PKN2: variants seen among roughly 807,000 people sequenced by gnomAD.
PKN2 encodes serine/threonine-protein kinase N2.
A neutral mutation model predicts 119.1 loss-of-function variants in PKN2; 38 were observed. The observed-to-expected ratio is 0.32, with a 90% confidence interval of 0.25 to 0.42. The LOEUF is 0.42. PKN2 is among the 10% of genes least tolerant of loss of function. The pLI is 1.00. For synonymous variants in PKN2, 390 were observed against 384.9 expected (o/e 1.01, Z -0.15); for missense variants, 850 against 1,165.1 (o/e 0.73, Z 3.94).
At chr1:88,764,529 T>A (rs908703776) in intron 3 of PKN2, among the ~76,000 whole-genome samples, 4 of 152,204 alleles carry the variant, frequency 2.6e-5, no homozygotes, top group Non-Finnish European at 4.4e-5. Flanking sequence ...CAATACTCCA[T>A]TGAAATAGTT....
intron 1 of PKN2, among the ~76,000 whole-genome samples, chr1:88,689,871 C>G (rs1398548995): frequency 6.6e-6 from 1 of 152,154 alleles, no homozygotes; most frequent in Non-Finnish European, 1.5e-5. Flanking sequence ...GCAACAATTT[C>G]TTTGAATAAT....
chr1:88,819,470 T>C (rs944224193), intron 16 of PKN2, among the ~76,000 whole-genome samples: 1 of 152,140 alleles, frequency 6.6e-6, no homozygotes, highest in Non-Finnish European at 1.5e-5. Flanking sequence ...TGAGATACCA[T>C]CTCACGCCAG....
intron 1 of PKN2, among the ~76,000 whole-genome samples, chr1:88,717,599 G>A (rs754638674): frequency 6.6e-6 from 1 of 151,632 alleles, no homozygotes; most frequent in Non-Finnish European, 1.5e-5. Context: ...ACTGAAGCTT[G>A]TGCATGCGTC....
rs184330241 is a variant in PKN2, at chr1:88,796,322, C to T, written c.1282-8069C>T. Among the ~76,000 whole-genome samples, 4 of 152,236 alleles carry T rather than the reference C, an allele frequency of 2.6e-5. No individual in the cohort carries two copies. In the East Asian group the frequency reaches 7.7e-4, roughly 29 times the overall value. On this transcript the variant is annotated intron_variant, in intron 8 of 21. Coordinates refer to ENST00000370521, the MANE Select transcript of PKN2 (RefSeq NM_006256.4). ...GCTTTTCAGGTTAGGGATACTCAGC[C>T]TGTACTGCCTGATGTGATCCAATCC... is the stretch of plus-strand genomic sequence containing the variant.
chr1:88,790,180 A>C (rs1017256135), intron 8 of PKN2, among the ~76,000 whole-genome samples: 2 of 152,178 alleles, frequency 1.3e-5, no homozygotes, highest in African/African-American at 2.4e-5. Flanking sequence ...TTGTTTTACT[A>C]TCATCTTGAG....
At chr1:88,776,547 C>G (rs935399582) in intron 6 of PKN2, among the ~76,000 whole-genome samples, 2 of 151,980 alleles carry the variant, frequency 1.3e-5, no homozygotes, top group African/African-American at 4.8e-5. Flanking sequence ...TGAGACCAGC[C>G]TGGCCAGCAT....
chr1:88,833,606 ACTT>A lies in PKN2; in HGVS notation c.*163_*165del, dbSNP rs3831022. ...ATTTGTTTAAAAGTACCATTCTAAT[ACTT>A]CTTCAAAAGTGGCTCCTCATTGTAC... On this transcript the variant is annotated 3_prime_UTR_variant, in exon 22 of 22. Coordinates refer to ENST00000370521, the MANE Select transcript of PKN2 (RefSeq NM_006256.4). 77 of 610,862 alleles carry A rather than the reference ACTT, an allele frequency of 1.3e-4. No homozygotes were observed. The highest frequency in any genetic ancestry group is 1.1e-3 in the East Asian group (38 of 36,036). 37.8% of individuals were successfully genotyped at this position (610,862 alleles called of 1,614,324 possible).
chr1:88,828,887 A>G (rs1672613593), intron 19 of PKN2: 2 of 611,570 alleles, frequency 3.3e-6, no homozygotes, highest in East Asian at 3.1e-5. Context: ...TGATTTTAAG[A>G]CATAGTCATT....
chr1:88,787,549 G>T (rs193148711), intron 8 of PKN2, among the ~76,000 whole-genome samples: 3 of 152,248 alleles, frequency 2.0e-5, no homozygotes, highest in Non-Finnish European at 2.9e-5. Flanking sequence ...ATTTGAATGA[G>T]ATAGAAAGAT....
chr1:88,807,836 T>A, intron 15 of PKN2, 61 bp downstream of exon 15: 3 of 945,128 alleles, frequency 3.2e-6, no homozygotes, highest in Non-Finnish European at 1.7e-6. Flanking sequence ...AGAAATGATA[T>A]ATGTATTACA....
At chr1:88,829,029 ACT>A (rs749864399) in intron 19 of PKN2, 35 of 645,226 alleles carry the variant, frequency 5.4e-5, no homozygotes, top group African/African-American at 5.4e-4. Flanking sequence ...TGAGCAACAC[ACT>A]CTGCATCCTT....
At chr1:88,722,291 CGACCTAATGGAAAGGAACAAT>C (rs1250407150) in intron 1 of PKN2, among the ~76,000 whole-genome samples, 1 of 152,048 alleles carries the variant, frequency 6.6e-6, no homozygotes, top group African/African-American at 2.4e-5. Context: ...AATATGTATG[CGACCTAATGGAAAGGAACAAT>C]GACTTGTGAC....
chr1:88,684,666 G>A (rs753667723), intron 1 of PKN2, 38 bp downstream of exon 1: 3 of 1,470,172 alleles, frequency 2.0e-6, no homozygotes, highest in South Asian at 1.3e-5. Context: ...GCTGGCGGAG[G>A]AGACAGGGAG....
At chr1:88,812,442 T>G (rs556240179) in intron 15 of PKN2, among the ~76,000 whole-genome samples, 1 of 152,072 alleles carries the variant, frequency 6.6e-6, no homozygotes, top group African/African-American at 2.4e-5. Context: ...CACCCATAAA[T>G]AAAAACTATG....
chr1:88,699,054 T>C (rs939959462), intron 1 of PKN2, among the ~76,000 whole-genome samples: 3 of 152,152 alleles, frequency 2.0e-5, no homozygotes, highest in African/African-American at 7.2e-5. Context: ...GGTTTATATT[T>C]CTATTATATT....
Position 88,684,311 on chromosome 1 carries a change from C to T in PKN2, c.-270C>T, listed in dbSNP as rs1358151032. On this transcript the variant is annotated 5_prime_UTR_variant, in exon 1 of 22. Transcript: ENST00000370521. ...CCGCACGGAGAGGCTTGAGGCGGCT[C>T]CTGGCGTCGCCCAGAGGGAGCGACT... 1 of 403,318 alleles carries T rather than the reference C, an allele frequency of 2.5e-6. No individual in the cohort carries two copies. Among genetic ancestry groups the T allele is most frequent in the Non-Finnish European group, 4.4e-6 (1 of 225,798 alleles). 25.0% of individuals were successfully genotyped at this position (403,318 alleles called of 1,614,324 possible).
intron 6 of PKN2, among the ~76,000 whole-genome samples, chr1:88,783,326 T>TG (rs1481615722): frequency 6.6e-6 from 1 of 152,214 alleles, no homozygotes; most frequent in Admixed American, 6.5e-5. Context: ...CTCTTCAACT[T>TG]GGCTCCGCCT....
In PKN2 at chr1:88,777,167, C is replaced by T. The variant is rs77764750; in HGVS notation, c.985+5288C>T. On this transcript the variant is annotated intron_variant, in intron 6 of 21. Coordinates refer to ENST00000370521, the MANE Select transcript of PKN2 (RefSeq NM_006256.4). ...TCAAATTGGCTCACTTTTTCTTCTG[C>T]CTGCTCAAATCTTGTATTGAACCTC... Among the ~76,000 whole-genome samples the T allele has an allele frequency of 6.2e-3, 946 of 152,232 alleles. 12 individuals carry two copies. The South Asian group carries it at 0.067, about 11-fold the overall frequency.
At chr1:88,757,008 T>C (rs1570584854) in intron 2 of PKN2, among the ~76,000 whole-genome samples, 1 of 152,274 alleles carries the variant, frequency 6.6e-6, no homozygotes, top group East Asian at 1.9e-4. Context: ...GACTCAAACC[T>C]GGGCAGCCTC....
Sources: gnomAD v4.1 joint callset for allele counts (sites outside exome capture counted in the v4.1 genomes callset) on GRCh38, gnomAD v4.1.1 for gene constraint, MANE v1.5 for transcripts, NCBI Gene and HGNC (gene_info 2026-07-23, HGNC 2026-07-21) for gene names.